Variants in SNRPC observed in about 807,000 individuals in gnomAD.
SNRPC encodes the protein small nuclear ribonucleoprotein polypeptide C.
Under a neutral mutation model 20.0 loss-of-function variants are expected in SNRPC, and 5 were observed. The ratio of observed to expected loss-of-function variants is 0.25; its 90% CI spans 0.13 to 0.53. The LOEUF is 0.53. SNRPC is among the 20% of genes least tolerant of loss of function. The pLI is 0.96. For synonymous variants in SNRPC, 61 were observed against 58.7 expected, an observed-to-expected ratio of 1.04 and a Z score of -0.18; for missense variants, 112 against 224.1, an observed-to-expected ratio of 0.50 and a Z score of 3.19.
chr6:34,765,440 T>TTTA (rs1764600288), intron 3 of SNRPC, among the ~76,000 whole-genome samples: 1 of 150,984 alleles, frequency 6.6e-6, no homozygotes, highest in Admixed American at 6.6e-5. Context: ...TATTTATTTA[T>TTTA]TTTATTTATT....
chr6:34,757,752 G>A (rs138468260), intron 1 of SNRPC, 160 bp from the exon 2 acceptor site: 43,639 of 1,547,046 alleles, frequency 0.028, 751 homozygotes, highest in Non-Finnish European at 0.034. Flanking sequence ...ACAAAAAAAA[G>A]CCTGGTTTAT....
At chr6:34,759,596 C>CT (rs1314977813) in intron 2 of SNRPC, among the ~76,000 whole-genome samples, 1 of 152,036 alleles carries the variant, frequency 6.6e-6, no homozygotes, top group East Asian at 1.9e-4. Context: ...GTGGAACTGG[C>CT]TTTTTTTTCC....
chr6:34,773,569 A>G lies in SNRPC; in HGVS notation c.479A>G (p.Ter160=), dbSNP rs547055675. 1.2e-6 allele frequency: 2 copies of G among 1,613,568 alleles called. No homozygotes were observed. Among genetic ancestry groups the G allele is most frequent in the African/African-American group, 1.3e-5 (1 of 75,030 alleles). Reference sequence around the variant, plus strand: ...CCCGGAATGACTCGACCAGACAGATAAGGATAGAGGGGAGGCCTTATTGTA... The same window carrying G: ...CCCGGAATGACTCGACCAGACAGATGAGGATAGAGGGGAGGCCTTATTGTA... ...TRPGMTRPDR[*] Residue 160 remains the stop codon, a stop_retained_variant, in exon 6 of 6, where the codon TAA becomes TGA. Coordinates refer to ENST00000244520, the MANE Select transcript of SNRPC (RefSeq NM_003093.3). The surrounding 1 kb of genome is among the most constrained non-coding windows in gnomAD (Gnocchi z 4.1).
In SNRPC at chr6:34,757,533, T is replaced by C; in HGVS notation, c.-11T>C. 2.5e-6 allele frequency: 4 copies of C among 1,613,638 alleles called. No homozygotes were observed. The highest frequency in any genetic ancestry group is 3.4e-6 in the Non-Finnish European group (4 of 1,179,576). On this transcript the variant is annotated 5_prime_UTR_variant, in exon 1 of 6. Coordinates refer to ENST00000244520, the MANE Select transcript of SNRPC (RefSeq NM_003093.3). Reference sequence around the variant, plus strand: ...TCACGTAACGGAGTGGCCAACGGCCTGCAGAGCAACATGCCCAAGTGAGTG... The same window carrying C: ...TCACGTAACGGAGTGGCCAACGGCCCGCAGAGCAACATGCCCAAGTGAGTG...
chr6:34,765,501 A>T (rs1267564776), intron 3 of SNRPC, among the ~76,000 whole-genome samples: 2 of 152,062 alleles, frequency 1.3e-5, no homozygotes, highest in African/African-American at 2.4e-5. Flanking sequence ...CAGTGGCACG[A>T]TCTCAGCTCA....
intron 5 of SNRPC, among the ~76,000 whole-genome samples, chr6:34,771,775 A>G (rs983939299): frequency 6.6e-6 from 1 of 152,186 alleles, no homozygotes; most frequent in Non-Finnish European, 1.5e-5. Context: ...GGTATCACTT[A>G]GAGGAGGGGG....
At chr6:34,760,409 GA>G (rs1764520829) in intron 2 of SNRPC, among the ~76,000 whole-genome samples, 1 of 152,056 alleles carries the variant, frequency 6.6e-6, no homozygotes. Context: ...TCCTAGAATA[GA>G]GTGCTCTGAT....
At chr6:34,762,480 C>A in intron 2 of SNRPC, 115 bp from the exon 3 acceptor site, 1 of 607,760 alleles carries the variant, frequency 1.6e-6, no homozygotes. Context: ...AATACTGTAG[C>A]AGCCAGCTAA....
chr6:34,770,258 C>CATATTA (rs749444776), intron 4 of SNRPC, 33 bp from the exon 5 acceptor site: 3 of 1,404,032 alleles, frequency 2.1e-6, no homozygotes, highest in Non-Finnish European at 3.0e-6. Flanking sequence ...TATGTGAGCA[C>CATATTA]ACCTTAACCA....
chr6:34,767,827 TAAAG>T (rs949156772), intron 3 of SNRPC, 77 bp from the exon 4 acceptor site: 1 of 1,405,150 alleles, frequency 7.1e-7, no homozygotes, highest in Non-Finnish European at 9.4e-7. Flanking sequence ...GTTGAAGACT[TAAAG>T]AAAGTGGTTA....
chr6:34,773,662 A>T lies in SNRPC; in HGVS notation c.*92A>T, dbSNP rs565703524. The T allele has an allele frequency of 8.6e-7, 1 of 1,162,160 alleles. No individual in the cohort carries two copies. The highest frequency in any genetic ancestry group is 1.5e-5 in the African/African-American group (1 of 66,604). 72.0% of individuals were successfully genotyped at this position (1,162,160 alleles called of 1,614,324 possible). A position where few individuals can be genotyped will look rare whatever the true frequency, so the allele number is the denominator to read the frequency against. ...TGCTGTGATACTGAGTTTTCTAAAC[A>T]GCATAAGGAAGACTTGCTCCCCTGT... is the stretch of plus-strand genomic sequence containing the variant. On this transcript the variant is annotated 3_prime_UTR_variant, in exon 6 of 6. Transcript: ENST00000244520. This position sits in a 1 kb window ranked among gnomAD's most constrained non-coding sequence, Gnocchi z 4.1.
At chr6:34,770,918 G>GT (rs147338546) in intron 5 of SNRPC, among the ~76,000 whole-genome samples, 1 of 152,082 alleles carries the variant, frequency 6.6e-6, no homozygotes, top group Non-Finnish European at 1.5e-5. Flanking sequence ...CCTGGTAGTT[G>GT]TTTTTTTATT....
intron 4 of SNRPC, 71 bp from the exon 5 acceptor site, chr6:34,770,220 C>G (rs1217344234): frequency 1.7e-6 from 2 of 1,166,152 alleles, no homozygotes; most frequent in Non-Finnish European, 2.6e-6. Flanking sequence ...GAAACTCCGT[C>G]TCAAAAAAAA....
intron 4 of SNRPC, among the ~76,000 whole-genome samples, chr6:34,769,241 T>TC (rs2127407645): frequency 6.6e-6 from 1 of 150,414 alleles, no homozygotes; most frequent in East Asian, 1.9e-4. Flanking sequence ...TTTTTTTTTT[T>TC]TTTTTTGAGA....
Position 34,773,629 on chromosome 6 carries a change from G to C in SNRPC, c.*59G>C. 1 of 1,507,964 alleles carries C rather than the reference G, an allele frequency of 6.6e-7. No individual in the cohort carries two copies. Among genetic ancestry groups the C allele is most frequent in the South Asian group, 1.1e-5 (1 of 87,144 alleles). The allele number at this position is 1,507,964 out of a possible 1,614,324, so 93.4% of individuals were successfully genotyped here. Reference sequence around the variant, plus strand: ...TATTACCTGTTCTGCTTCACCAGGAGATCATGCTGCTGTGATACTGAGTTT... The same window carrying C: ...TATTACCTGTTCTGCTTCACCAGGACATCATGCTGCTGTGATACTGAGTTT... On this transcript the variant is annotated 3_prime_UTR_variant, in exon 6 of 6. Coordinates refer to ENST00000244520, the MANE Select transcript of SNRPC (RefSeq NM_003093.3). This position sits in a 1 kb window ranked among gnomAD's most constrained non-coding sequence, Gnocchi z 4.1.
At chr6:34,769,332 G>A (rs1764657527) in intron 4 of SNRPC, among the ~76,000 whole-genome samples, 1 of 149,294 alleles carries the variant, frequency 6.7e-6, no homozygotes, top group African/African-American at 2.5e-5. Flanking sequence ...TGGGTTCCCT[G>A]GATTCAAGTG....
chr6:34,770,229 AAAG>A (rs995876816), intron 4 of SNRPC, 59 bp from the exon 5 acceptor site: 194 of 1,241,826 alleles, frequency 1.6e-4, no homozygotes, highest in Middle Eastern at 1.5e-3. Flanking sequence ...TCTCAAAAAA[AAAG>A]AAGAGAAAAT....
rs768153445 is a variant in SNRPC at position 34,770,282 on chromosome 6, T to C, written c.251-9T>C. ...ACACCTTAACCACAGGCTCCATTCT[T>C]TATTTCAGCGGGTCCTCCTCGCCCT... On this transcript the variant is annotated splice_polypyrimidine_tract_variant and intron_variant, in intron 4 of 5. Coordinates refer to ENST00000244520, the MANE Select transcript of SNRPC (RefSeq NM_003093.3). 2.3e-5 allele frequency: 36 copies of C among 1,588,870 alleles called. No homozygotes were observed. Among genetic ancestry groups the C allele is most frequent in the Non-Finnish European group, 3.0e-5 (35 of 1,157,504 alleles).
chr6:34,770,404 G>T lies in SNRPC; in HGVS notation c.355+9G>T, dbSNP rs771983525. On this transcript the variant is annotated intron_variant, in intron 5 of 5. Coordinates refer to ENST00000244520, the MANE Select transcript of SNRPC (RefSeq NM_003093.3). ...GATGCCAGTGGGACCTGGTAAGTTTGAATGTCTGTCTTTCTAGTTTGTTCC... is the reference window on the plus strand; with the variant it reads ...GATGCCAGTGGGACCTGGTAAGTTTTAATGTCTGTCTTTCTAGTTTGTTCC... The T allele has an allele frequency of 6.5e-7, 1 of 1,544,760 alleles. No homozygotes were observed. Among genetic ancestry groups the T allele is most frequent in the South Asian group, 1.1e-5 (1 of 89,730 alleles).
Sources: allele counts gnomAD v4.1 joint callset (sites outside exome capture counted in the v4.1 genomes callset), GRCh38; gene constraint gnomAD v4.1.1; non-coding constraint Gnocchi (gnomAD v3.1); transcripts MANE v1.5; gene names NCBI Gene and HGNC (gene_info 2026-07-23, HGNC 2026-07-21).